The following CACNA2D3 variants were observed in gnomAD, a reference collection of about 807,000 sequenced individuals.
CACNA2D3 encodes the protein voltage-dependent calcium channel subunit alpha-2/delta-3.
A neutral mutation model predicts 160.6 loss-of-function variants in CACNA2D3; 60 were observed. The observed-to-expected ratio is 0.37, with a 90% CI of 0.30 to 0.46. The LOEUF is 0.46. CACNA2D3 is among the 20% of genes least tolerant of loss of function. The probability of loss-of-function intolerance (pLI) is 1.00; values close to 1 mark genes in which losing one functional copy is unlikely to be tolerated. For synonymous variants in CACNA2D3, 558 were observed against 492.9 expected (o/e 1.13, Z -1.75); for missense variants, 1,205 against 1,365.0 (o/e 0.88, Z 1.85).
intron 28 of CACNA2D3, among the ~76,000 whole-genome samples, chr3:54,969,319 G>A (rs6765097): frequency 0.012 from 1,796 of 148,346 alleles, 35 homozygotes; most frequent in African/African-American, 0.043. Context: ...GAGTGCAGTG[G>A]TGCGATCTCG....
intron 17 of CACNA2D3, among the ~76,000 whole-genome samples, chr3:54,854,681 A>C (rs1412172037): frequency 1.3e-5 from 2 of 152,068 alleles, no homozygotes; most frequent in East Asian, 1.9e-4. Flanking sequence ...GTCAGTTCTC[A>C]TTGCCTCGTG....
In CACNA2D3 at chr3:54,865,878, CTG is replaced by C. The variant is rs1176238807; in HGVS notation, c.1627-5659_1627-5658del. ...TACCCATTTGCTTCTTAGTGCAGCACTGTAAGCTGAGTGCCCGTACCTCCATC... is the reference window on the plus strand; with the variant it reads ...TACCCATTTGCTTCTTAGTGCAGCACTAAGCTGAGTGCCCGTACCTCCATC... On this transcript the variant is annotated intron_variant, in intron 17 of 37. Transcript: ENST00000474759. Among the ~76,000 whole-genome samples, 3 of 152,288 alleles carry C rather than the reference CTG, an allele frequency of 2.0e-5. No individual in the cohort carries two copies. In the East Asian group the frequency reaches 5.8e-4, roughly 29 times the overall value.
intron 9 of CACNA2D3, among the ~76,000 whole-genome samples, chr3:54,624,905 C>T (rs1329216147): frequency 6.6e-6 from 1 of 152,212 alleles, no homozygotes; most frequent in Non-Finnish European, 1.5e-5. Context: ...AGCCTGATTT[C>T]CACCGGGGGT....
chr3:54,235,412 G>C (rs538115518), intron 2 of CACNA2D3, among the ~76,000 whole-genome samples: 1 of 152,206 alleles, frequency 6.6e-6, no homozygotes, highest in Non-Finnish European at 1.5e-5. Context: ...AAGGCAAAGG[G>C]GGAGCCAGCA....
chr3:54,832,286 C>T (rs1225122199), intron 14 of CACNA2D3, among the ~76,000 whole-genome samples: 1 of 152,142 alleles, frequency 6.6e-6, no homozygotes, highest in Non-Finnish European at 1.5e-5. Flanking sequence ...TGTGTGTGCA[C>T]ACTTCTGTGT....
intron 4 of CACNA2D3, among the ~76,000 whole-genome samples, chr3:54,410,432 T>C (rs1699647656): frequency 6.6e-6 from 1 of 152,086 alleles, no homozygotes; most frequent in Non-Finnish European, 1.5e-5. Flanking sequence ...ACTCTCTTAT[T>C]AGGGGCTAAT....
chr3:54,205,290 A>G (rs1476672931), intron 2 of CACNA2D3, among the ~76,000 whole-genome samples: 1 of 152,134 alleles, frequency 6.6e-6, no homozygotes, highest in African/African-American at 2.4e-5. Flanking sequence ...ACGGGGTTTC[A>G]CCATATTGGC....
intron 2 of CACNA2D3, among the ~76,000 whole-genome samples, chr3:54,233,376 C>T (rs1368758621): frequency 6.6e-6 from 1 of 152,128 alleles, no homozygotes; most frequent in African/African-American, 2.4e-5. Flanking sequence ...GAAAGGGTTA[C>T]CAGTTAGGCA....
chr3:54,603,899 T>C (rs1429636347), intron 9 of CACNA2D3, among the ~76,000 whole-genome samples: 1 of 152,218 alleles, frequency 6.6e-6, no homozygotes, highest in East Asian at 1.9e-4. Flanking sequence ...GTTTAACTTA[T>C]CTAAATGTCT....
At position 55,009,792 on chromosome 3, in the gene CACNA2D3, G is replaced by T. The variant is rs2107145333; in HGVS notation, c.2875+349G>T. On this transcript the variant is annotated intron_variant, in intron 34 of 37. Coordinates refer to ENST00000474759, the MANE Select transcript of CACNA2D3 (RefSeq NM_018398.3). Reference sequence around the variant, plus strand: ...TGCCTGTGTCTCAGGCTAAATGAATGATTAGCCATTCTATTTCTGTTTTCA... The same window carrying T: ...TGCCTGTGTCTCAGGCTAAATGAATTATTAGCCATTCTATTTCTGTTTTCA... Among the ~76,000 whole-genome samples, 5 of 152,338 alleles carry T rather than the reference G, an allele frequency of 3.3e-5. No individual in the cohort carries two copies. The Middle Eastern group carries it at 0.014, about 415-fold the overall frequency.
At chr3:54,821,432 G>A (rs1335121237) in intron 14 of CACNA2D3, among the ~76,000 whole-genome samples, 2 of 152,148 alleles carry the variant, frequency 1.3e-5, no homozygotes, top group African/African-American at 4.8e-5. Flanking sequence ...TTTCTGTGCT[G>A]CTTAACTTGT....
intron 5 of CACNA2D3, among the ~76,000 whole-genome samples, chr3:54,539,979 G>T (rs534911357): frequency 7.2e-4 from 109 of 152,312 alleles, no homozygotes; most frequent in African/African-American, 2.5e-3. Context: ...TGGAAAGTCT[G>T]TGGGTAGGAG....
chr3:54,261,204 A>C (rs575906648), intron 2 of CACNA2D3, among the ~76,000 whole-genome samples: 1 of 152,290 alleles, frequency 6.6e-6, no homozygotes, highest in East Asian at 1.9e-4. Context: ...TCTATTATAC[A>C]GGGCAAGTGG....
intron 35 of CACNA2D3, among the ~76,000 whole-genome samples, chr3:55,071,150 A>G (rs941272906): frequency 3.3e-5 from 5 of 152,076 alleles, no homozygotes; most frequent in African/African-American, 1.2e-4. Flanking sequence ...GAATATCTGT[A>G]TATTACTGCT....
chr3:54,413,393 T>TATATCTATATATATCTATATATATAG (rs916171308), intron 4 of CACNA2D3, among the ~76,000 whole-genome samples: 441 of 144,324 alleles, frequency 3.1e-3, no homozygotes, highest in East Asian at 7.7e-3. Flanking sequence ...GATGCATATA[T>TATATCTATATATATCTATATATATAG]ATATCTATAT....
intron 9 of CACNA2D3, among the ~76,000 whole-genome samples, chr3:54,605,379 G>A (rs1009722524): frequency 4.6e-5 from 7 of 151,934 alleles, no homozygotes; most frequent in South Asian, 4.2e-4. Flanking sequence ...CATGATAATG[G>A]CCCTTATCCT....
At chr3:54,687,742 C>A (rs1255040032) in intron 11 of CACNA2D3, among the ~76,000 whole-genome samples, 1 of 152,198 alleles carries the variant, frequency 6.6e-6, no homozygotes, top group Non-Finnish European at 1.5e-5. Flanking sequence ...GCTTTCTAAA[C>A]CCTTGTGAGT....
At chr3:54,895,378 C>T (rs536629734) in intron 25 of CACNA2D3, among the ~76,000 whole-genome samples, 3 of 152,232 alleles carry the variant, frequency 2.0e-5, no homozygotes, top group East Asian at 3.9e-4. Flanking sequence ...CATGCTAGTA[C>T]AAGTTACAGG....
At chr3:54,240,294 G>C (rs1410178349) in intron 2 of CACNA2D3, among the ~76,000 whole-genome samples, 1 of 152,084 alleles carries the variant, frequency 6.6e-6, no homozygotes, top group Non-Finnish European at 1.5e-5. Context: ...CCATTCGTTG[G>C]TTTTTGGAGG....
Sources: allele counts gnomAD v4.1 joint callset (sites outside exome capture counted in the v4.1 genomes callset), GRCh38; gene constraint gnomAD v4.1.1; transcripts MANE v1.5; gene names NCBI Gene and HGNC (gene_info 2026-07-23, HGNC 2026-07-21).